The following THSD7B variants were observed in gnomAD, a reference collection of about 807,000 sequenced individuals.
The protein encoded by THSD7B is thrombospondin type-1 domain-containing protein 7B.
In THSD7B, 138 loss-of-function variants were observed where a neutral mutation model predicts 213.6. The ratio of observed to expected loss-of-function variants is 0.65; its 90% confidence interval spans 0.56 to 0.74. THSD7B has a LOEUF of 0.74. Ranked by LOEUF, THSD7B falls within the 30% of genes least tolerant of loss-of-function variation. The probability of loss-of-function intolerance (pLI) is 0.00; values close to 1 mark genes in which losing one functional copy is unlikely to be tolerated. For missense variants in THSD7B, 1,931 were observed against 1,991.5 expected, an observed-to-expected ratio of 0.97 and a Z score of 0.58; for synonymous variants, 742 against 687.0, an observed-to-expected ratio of 1.08 and a Z score of -1.25.
At chr2:137,157,880 G>A (rs549653664) in intron 5 of THSD7B, among the ~76,000 whole-genome samples, 37 of 152,244 alleles carry the variant, frequency 2.4e-4, no homozygotes, top group African/African-American at 7.5e-4. Flanking sequence ...AGCTTACATG[G>A]CCCACTTTCT....
intron 7 of THSD7B, among the ~76,000 whole-genome samples, chr2:137,182,201 T>C (rs1291172109): frequency 1.3e-5 from 2 of 152,170 alleles, no homozygotes; most frequent in African/African-American, 4.8e-5. Context: ...GGCATTTGTT[T>C]ATTGAGACAA....
chr2:137,094,105 A>G (rs1330714593), intron 3 of THSD7B, among the ~76,000 whole-genome samples: 1 of 152,236 alleles, frequency 6.6e-6, no homozygotes, highest in African/African-American at 2.4e-5. Context: ...GATACTGTAC[A>G]AATTACTTAG....
At chr2:137,582,897 T>A (rs1406103215) in intron 17 of THSD7B, among the ~76,000 whole-genome samples, 1 of 152,168 alleles carries the variant, frequency 6.6e-6, no homozygotes, top group Non-Finnish European at 1.5e-5. Context: ...TAGTTCTAGA[T>A]CCCTGAGGAA....
intron 2 of THSD7B, among the ~76,000 whole-genome samples, chr2:137,017,370 G>A (rs907789084): frequency 2.6e-5 from 4 of 151,860 alleles, no homozygotes; most frequent in Non-Finnish European, 5.9e-5. Context: ...GAAGAGATTG[G>A]AAAAGAGACA....
intron 3 of THSD7B, among the ~76,000 whole-genome samples, chr2:137,090,464 G>A (rs574375837): frequency 9.2e-5 from 14 of 152,198 alleles, no homozygotes; most frequent in Admixed American, 4.6e-4. Flanking sequence ...GTAGTTTACC[G>A]CTGATTTTTA....
chr2:137,661,919 AGTTGT>A (rs1278950522), intron 25 of THSD7B, among the ~76,000 whole-genome samples: 1 of 151,998 alleles, frequency 6.6e-6, no homozygotes, highest in African/African-American at 2.4e-5. Flanking sequence ...TTCCCTTACA[AGTTGT>A]GTGTTCCTAG....
intron 12 of THSD7B, among the ~76,000 whole-genome samples, chr2:137,286,706 G>A (rs1264370324): frequency 6.6e-6 from 1 of 151,578 alleles, no homozygotes; most frequent in African/African-American, 2.4e-5. Context: ...TATGGGAGGA[G>A]GAGGAGGAGA....
At chr2:136,878,027 C>T (rs1315177787) in intron 1 of THSD7B, among the ~76,000 whole-genome samples, 2 of 152,120 alleles carry the variant, frequency 1.3e-5, no homozygotes, top group African/African-American at 2.4e-5. Context: ...CCCATTAACT[C>T]GTCATTTACA....
At chr2:137,035,386 A>T (rs1476674228) in intron 2 of THSD7B, among the ~76,000 whole-genome samples, 1 of 151,722 alleles carries the variant, frequency 6.6e-6, no homozygotes, top group East Asian at 1.9e-4. Flanking sequence ...TAGAATCTTA[A>T]TTTTTTTTGC....
chr2:136,957,012 G>A (rs372837347), intron 2 of THSD7B, among the ~76,000 whole-genome samples: 55 of 152,106 alleles, frequency 3.6e-4, no homozygotes, highest in African/African-American at 1.2e-3. Flanking sequence ...TTTAGTGGCC[G>A]TTTGAGATCT....
chr2:137,245,146 A>G lies in THSD7B; in HGVS notation c.2266+2574A>G, dbSNP rs117212197. 5.2e-4 allele frequency among the ~76,000 whole-genome samples: 79 copies of G among 152,182 alleles called. 1 individual carries two copies. The East Asian group carries it at 8.5e-3, about 16-fold the overall frequency. ...ACGCTAGATATGTGGCCCTTCTTTC[A>G]GCTTCTTGAATGTATCTTGTTTTTT... On this transcript the variant is annotated intron_variant, in intron 10 of 27. Coordinates refer to ENST00000409968, the MANE Select transcript of THSD7B (RefSeq NM_001316349.2).
At chr2:137,037,695 A>G (rs1686803483) in intron 2 of THSD7B, among the ~76,000 whole-genome samples, 1 of 152,186 alleles carries the variant, frequency 6.6e-6, no homozygotes, top group South Asian at 2.1e-4. Flanking sequence ...TATTTGGCTA[A>G]AGTACTTTCT....
chr2:136,989,434 G>A (rs888847079), intron 2 of THSD7B, among the ~76,000 whole-genome samples: 1 of 151,574 alleles, frequency 6.6e-6, no homozygotes, highest in African/African-American at 2.4e-5. Flanking sequence ...TCTCTTGCTT[G>A]TTCTCTCTCT....
At chr2:137,466,595 A>C (rs1687995321) in intron 15 of THSD7B, among the ~76,000 whole-genome samples, 1 of 152,098 alleles carries the variant, frequency 6.6e-6, no homozygotes, top group Non-Finnish European at 1.5e-5. Context: ...GGAAGCCAAA[A>C]GATTGGACAC....
intron 12 of THSD7B, among the ~76,000 whole-genome samples, chr2:137,334,672 A>G (rs548003375): frequency 6.6e-6 from 1 of 152,298 alleles, no homozygotes; most frequent in African/African-American, 2.4e-5. Flanking sequence ...TTCTTAGGGT[A>G]TTTCTGAATG....
Position 137,272,593 on chromosome 2 carries a change from G to A in THSD7B, c.2327G>A (p.Gly776Asp). The A allele has an allele frequency of 6.2e-7, 1 of 1,612,156 alleles. No individual in the cohort carries two copies. Among genetic ancestry groups the A allele is most frequent in the Non-Finnish European group, 8.5e-7 (1 of 1,178,986 alleles). The change falls in exon 11 of 28, where the codon GGC becomes GAC. Residue 776 changes from glycine to aspartate, a missense_variant. By Grantham distance (94) the Gly-to-Asp change is moderately conservative. Transcript: ENST00000409968. Reference protein sequence around the residue: ...RIIIQEAANGGQECPDTLYEE... With the variant: ...RIIIQEAANGDQECPDTLYEE... ...ATCATCCAAGAAGCAGCCAATGGAG[G>A]CCAGGAATGCCCAGATACCTTATAT...
intron 2 of THSD7B, among the ~76,000 whole-genome samples, chr2:136,975,711 A>T (rs1383934274): frequency 6.6e-6 from 1 of 152,174 alleles, no homozygotes; most frequent in East Asian, 1.9e-4. Context: ...AGTTTTTTCT[A>T]GTTCAGTGAA....
chr2:137,553,155 G>T (rs1680883340), intron 15 of THSD7B, among the ~76,000 whole-genome samples: 2 of 152,136 alleles, frequency 1.3e-5, no homozygotes, highest in Admixed American at 1.3e-4. Context: ...CTTTGAACTT[G>T]TTTCCAAGTT....
chr2:136,804,469 T>A (rs554279347), intron 1 of THSD7B, among the ~76,000 whole-genome samples: 1 of 151,956 alleles, frequency 6.6e-6, no homozygotes, highest in East Asian at 1.9e-4. Context: ...ACATTTGAGG[T>A]TTATTCTTAA....
Sources: allele counts gnomAD v4.1 joint callset (sites outside exome capture counted in the v4.1 genomes callset), GRCh38; gene constraint gnomAD v4.1.1; transcripts MANE v1.5; gene names NCBI Gene and HGNC (gene_info 2026-07-23, HGNC 2026-07-21).